Variants in RAD51B observed in about 807,000 individuals in gnomAD.
RAD51B encodes the protein DNA repair protein RAD51 homolog 2.
Under a neutral mutation model 42.2 loss-of-function variants are expected in RAD51B, and 38 were observed. The observed-to-expected ratio is 0.90, with a 90% CI of 0.70 to 1.18. The LOEUF (loss-of-function observed/expected upper bound fraction) is 1.18. Among genes scored for constraint, RAD51B ranks in the 50% most tolerant of loss-of-function variants. RAD51B has a pLI of 0.00. For synonymous variants in RAD51B, 154 were observed against 145.2 expected (o/e 1.06, Z -0.43); for missense variants, 373 against 400.7 (o/e 0.93, Z 0.59).
chr14:67,870,995 A>G (rs920704542), intron 5 of RAD51B, among the ~76,000 whole-genome samples: 2 of 151,640 alleles, frequency 1.3e-5, no homozygotes, highest in Non-Finnish European at 2.9e-5. Flanking sequence ...GAAAGATCCA[A>G]AATTGACAGC....
At chr14:68,301,623 C>CTTTTTTTT (rs1425066797) in intron 8 of RAD51B, among the ~76,000 whole-genome samples, 1 of 106,634 alleles carries the variant, frequency 9.4e-6, no homozygotes, top group Non-Finnish European at 1.8e-5. Flanking sequence ...TTGAGACATA[C>CTTTTTTTT]TTTTACTCCA....
At chr14:68,186,862 G>A (rs1242726331) in intron 7 of RAD51B, among the ~76,000 whole-genome samples, 1 of 152,090 alleles carries the variant, frequency 6.6e-6, no homozygotes, top group African/African-American at 2.4e-5. Flanking sequence ...CCATTACTGG[G>A]TATATATCCA....
intron 10 of RAD51B, among the ~76,000 whole-genome samples, chr14:68,572,599 C>T (rs529806328): frequency 1.3e-5 from 2 of 152,292 alleles, no homozygotes; most frequent in African/African-American, 4.8e-5. Flanking sequence ...ACCCCAATAA[C>T]TCCTGCGGTG....
chr14:67,971,613 T>C (rs1057004446), intron 7 of RAD51B, among the ~76,000 whole-genome samples: 2 of 152,100 alleles, frequency 1.3e-5, no homozygotes, highest in African/African-American at 2.4e-5. Flanking sequence ...CTATAAAAGA[T>C]AGAATTTGAG....
intron 7 of RAD51B, among the ~76,000 whole-genome samples, chr14:68,096,517 G>A (rs1341832035): frequency 2.0e-5 from 3 of 152,070 alleles, no homozygotes; most frequent in Non-Finnish European, 4.4e-5. Context: ...TAAATCACTG[G>A]CCTTCAATGA....
chr14:68,420,456 A>G (rs1300253624), intron 9 of RAD51B, among the ~76,000 whole-genome samples: 1 of 152,116 alleles, frequency 6.6e-6, no homozygotes, highest in Non-Finnish European at 1.5e-5. Flanking sequence ...ATTATATGCT[A>G]AACAAGAAGT....
At chr14:68,275,074 GT>G (rs1263305580) in intron 7 of RAD51B, among the ~76,000 whole-genome samples, 1 of 152,108 alleles carries the variant, frequency 6.6e-6, no homozygotes, top group Non-Finnish European at 1.5e-5. Flanking sequence ...TCACCTACTG[GT>G]TTTAGCACCC....
intron 7 of RAD51B, among the ~76,000 whole-genome samples, chr14:67,971,287 G>A (rs941697272): frequency 6.6e-6 from 1 of 151,962 alleles, no homozygotes; most frequent in Non-Finnish European, 1.5e-5. Context: ...ATTTAAATTT[G>A]TTATACTTCT....
intron 9 of RAD51B, among the ~76,000 whole-genome samples, chr14:68,441,720 T>C (rs956434418): frequency 1.3e-5 from 2 of 152,178 alleles, no homozygotes; most frequent in Non-Finnish European, 1.5e-5. Flanking sequence ...CTTGGACAAA[T>C]GACTCTGAGT....
Position 67,870,850 on chromosome 14 carries a change from G to A in RAD51B, c.452+5711G>A, listed in dbSNP as rs1348243073. Reference sequence around the variant, plus strand: ...CCTGAGTGACTACTGGGTACATAACGAAATGAAGGCAGAAATAAAGATGTT... The same window carrying A: ...CCTGAGTGACTACTGGGTACATAACAAAATGAAGGCAGAAATAAAGATGTT... On this transcript the variant is annotated intron_variant, in intron 5 of 10. Coordinates refer to ENST00000471583, the MANE Select transcript of RAD51B (RefSeq NM_133510.4). Among the ~76,000 whole-genome samples the A allele has an allele frequency of 2.6e-4, 32 of 123,642 alleles. No individual in the cohort carries two copies. In the South Asian group the frequency reaches 7.5e-3, roughly 29 times the overall value. The allele number at this position is 123,642 out of a possible 152,430, so 81.1% of individuals were successfully genotyped here. A position where few individuals can be genotyped will look rare whatever the true frequency, so the allele number is the denominator to read the frequency against.
chr14:68,188,536 T>C (rs1431044456), intron 7 of RAD51B, among the ~76,000 whole-genome samples: 1 of 152,234 alleles, frequency 6.6e-6, no homozygotes, highest in Non-Finnish European at 1.5e-5. Context: ...TACTTTTGTA[T>C]TAGCCAATCC....
chr14:68,376,556 A>G (rs1410566009), intron 8 of RAD51B, among the ~76,000 whole-genome samples: 2 of 152,186 alleles, frequency 1.3e-5, no homozygotes, highest in Non-Finnish European at 2.9e-5. Context: ...TTGGAAGTAT[A>G]AGATTTCTTG....
chr14:68,672,465 G>A (rs1215818908), intron 11 of RAD51B, among the ~76,000 whole-genome samples: 2 of 152,216 alleles, frequency 1.3e-5, no homozygotes, highest in Non-Finnish European at 2.9e-5. Context: ...GAAGAGTGAG[G>A]CCTTATTTAT....
At chr14:68,251,984 A>G (rs2141022059) in intron 7 of RAD51B, among the ~76,000 whole-genome samples, 1 of 152,306 alleles carries the variant, frequency 6.6e-6, no homozygotes, top group East Asian at 1.9e-4. Context: ...AAGGTGCAGG[A>G]AGGAACTAGT....
chr14:68,510,839 A>G (rs1019766456), intron 10 of RAD51B, among the ~76,000 whole-genome samples: 1 of 152,216 alleles, frequency 6.6e-6, no homozygotes, highest in Admixed American at 6.5e-5. Context: ...TGAAAAGAAA[A>G]GGGATAAAAA....
At chr14:68,552,114 G>A (rs933790615) in intron 10 of RAD51B, among the ~76,000 whole-genome samples, 1 of 152,204 alleles carries the variant, frequency 6.6e-6, no homozygotes, top group African/African-American at 2.4e-5. Context: ...GCTTTGCTGG[G>A]AAGCCCAGGA....
intron 10 of RAD51B, among the ~76,000 whole-genome samples, chr14:68,645,545 A>G (rs1026985675): frequency 6.6e-6 from 1 of 152,170 alleles, no homozygotes; most frequent in African/African-American, 2.4e-5. Context: ...TAATACAGTA[A>G]TTCTATTTTT....
chr14:68,545,880 G>A (rs1282905860), intron 10 of RAD51B, among the ~76,000 whole-genome samples: 1 of 152,202 alleles, frequency 6.6e-6, no homozygotes, highest in Non-Finnish European at 1.5e-5. Context: ...ACTTTGTTCT[G>A]TAGGTAATGA....
intron 8 of RAD51B, among the ~76,000 whole-genome samples, chr14:68,316,303 A>G (rs570222850): frequency 7.1e-4 from 108 of 152,244 alleles, no homozygotes; most frequent in Non-Finnish European, 1.1e-3. Context: ...GGACAAACAA[A>G]TGGAATTGGT....
Sources: gnomAD v4.1 joint callset for allele counts (sites outside exome capture counted in the v4.1 genomes callset) on GRCh38, gnomAD v4.1.1 for gene constraint, MANE v1.5 for transcripts, NCBI Gene and HGNC (gene_info 2026-07-23, HGNC 2026-07-21) for gene names.